The following CRADD variants were observed in gnomAD, a reference collection of about 807,000 sequenced individuals.
CRADD encodes death domain-containing protein CRADD.
CRADD carries 9 observed loss-of-function variants against 15.5 expected under a neutral mutation model. The observed-to-expected ratio is 0.58, with a 90% confidence interval of 0.35 to 1.01. The LOEUF (loss-of-function observed/expected upper bound fraction) is 1.01, where lower values mean the gene tolerates loss of function less well. Among genes scored for constraint, CRADD ranks in the 50% least tolerant of loss-of-function variants. CRADD has a pLI of 0.02. For missense variants in CRADD, 227 were observed against 250.3 expected (o/e 0.91, Z 0.63); for synonymous variants, 118 against 107.6 (o/e 1.10, Z -0.60).
intron 2 of CRADD, among the ~76,000 whole-genome samples, chr12:93,695,457 G>C (rs1408835461): frequency 6.6e-6 from 1 of 152,082 alleles, no homozygotes; most frequent in Non-Finnish European, 1.5e-5. Flanking sequence ...TAGACAAATG[G>C]GATAAACAAA....
intron 2 of CRADD, chr12:93,737,972 A>G (rs146260445): frequency 3.5e-5 from 12 of 340,820 alleles, no homozygotes; most frequent in African/African-American, 2.3e-4. Flanking sequence ...AGCTCATTAT[A>G]TAAATTCACT....
At chr12:93,884,971 A>C (rs1473511081) in intron 2 of CRADD, among the ~76,000 whole-genome samples, 1 of 151,980 alleles carries the variant, frequency 6.6e-6, no homozygotes, top group East Asian at 1.9e-4. Flanking sequence ...CTGGTCCCAC[A>C]CTCTGACCAA....
chr12:93,718,673 T>G (rs964176507), intron 2 of CRADD, among the ~76,000 whole-genome samples: 4 of 152,168 alleles, frequency 2.6e-5, no homozygotes, highest in African/African-American at 9.7e-5. Context: ...TTGCACCAGT[T>G]ATGACTTCCA....
intron 2 of CRADD, among the ~76,000 whole-genome samples, chr12:93,731,009 C>T (rs1956454759): frequency 1.3e-5 from 2 of 152,042 alleles, no homozygotes; most frequent in Admixed American, 1.3e-4. Flanking sequence ...TGAGCCACTG[C>T]ACCCGGCTGA....
chr12:93,746,727 A>G (rs1201230074), intron 2 of CRADD, among the ~76,000 whole-genome samples: 1 of 152,158 alleles, frequency 6.6e-6, no homozygotes, highest in Non-Finnish European at 1.5e-5. Context: ...CTGAATAAAT[A>G]CAGTTCTACA....
intron 2 of CRADD, among the ~76,000 whole-genome samples, chr12:93,812,319 C>T (rs551876435): frequency 6.6e-6 from 1 of 152,198 alleles, no homozygotes; most frequent in South Asian, 2.1e-4. Context: ...CAGCTATGGA[C>T]TTTAGTTAGT....
At chr12:93,738,138 C>T (rs1323387544) in intron 2 of CRADD, 9 of 596,202 alleles carry the variant, frequency 1.5e-5, no homozygotes, top group Admixed American at 3.0e-5. Flanking sequence ...CAGTCATGTT[C>T]TGCTGTTTCT....
intron 2 of CRADD, chr12:93,816,025 T>A (rs891814746): frequency 2.0e-5 from 3 of 152,182 alleles, no homozygotes; most frequent in African/African-American, 7.2e-5. Context: ...AGAAATATCA[T>A]GCAAGCCACC....
At chr12:93,785,298 C>T (rs1957265635) in intron 2 of CRADD, among the ~76,000 whole-genome samples, 1 of 152,112 alleles carries the variant, frequency 6.6e-6, no homozygotes, top group South Asian at 2.1e-4. Flanking sequence ...TTAGTATTTA[C>T]ATAATTGAAA....
intron 2 of CRADD, among the ~76,000 whole-genome samples, chr12:93,685,508 C>T (rs1030381037): frequency 6.6e-6 from 1 of 152,142 alleles, no homozygotes; most frequent in African/African-American, 2.4e-5. Flanking sequence ...GATCATTACA[C>T]ATTGTATGCA....
chr12:93,885,433 C>T (rs1394038456), intron 2 of CRADD, among the ~76,000 whole-genome samples: 12 of 150,896 alleles, frequency 8.0e-5, no homozygotes, highest in East Asian at 7.8e-4. Context: ...CCTAGGTCCT[C>T]GTGCCCCCGC....
chr12:93,713,055 T>C (rs752502476), intron 2 of CRADD, among the ~76,000 whole-genome samples: 2 of 152,172 alleles, frequency 1.3e-5, no homozygotes, highest in African/African-American at 2.4e-5. Context: ...TGTCTTTATT[T>C]TGAAGATCGT....
At chr12:93,785,419 A>T (rs1957267273) in intron 2 of CRADD, among the ~76,000 whole-genome samples, 1 of 152,114 alleles carries the variant, frequency 6.6e-6, no homozygotes, top group Non-Finnish European at 1.5e-5. Context: ...CCTATGAGTC[A>T]CTCACTGGTA....
intron 2 of CRADD, among the ~76,000 whole-genome samples, chr12:93,842,241 A>C (rs1405323990): frequency 6.6e-6 from 1 of 152,172 alleles, no homozygotes. Flanking sequence ...CAGGAGGTTG[A>C]CCAGACAGGA....
At chr12:93,813,110 G>A (rs145969484) in intron 2 of CRADD, among the ~76,000 whole-genome samples, 9 of 152,296 alleles carry the variant, frequency 5.9e-5, no homozygotes, top group Middle Eastern at 3.4e-3. Context: ...AGAAAACTTT[G>A]CCAATAGCTG....
At chr12:93,882,275 G>T (rs1385813067) in intron 2 of CRADD, among the ~76,000 whole-genome samples, 1 of 150,642 alleles carries the variant, frequency 6.6e-6, no homozygotes, top group East Asian at 2.0e-4. Context: ...CAAAAAATTA[G>T]CTGGGCGTGG....
chr12:93,705,596 G>A (rs938887905), intron 2 of CRADD, among the ~76,000 whole-genome samples: 1 of 152,230 alleles, frequency 6.6e-6, no homozygotes, highest in East Asian at 1.9e-4. Flanking sequence ...AAGAAGCTTA[G>A]TATCATGTGG....
At chr12:93,806,482 GA>G (rs1275335348) in intron 2 of CRADD, among the ~76,000 whole-genome samples, 16 of 123,826 alleles carry the variant, frequency 1.3e-4, no homozygotes, top group African/African-American at 4.4e-4. Context: ...ACAAAAAAAA[GA>G]AAAAAAAGGA....
At chr12:93,772,207 G>T (rs1342224589) in intron 2 of CRADD, among the ~76,000 whole-genome samples, 3 of 152,152 alleles carry the variant, frequency 2.0e-5, no homozygotes, top group African/African-American at 7.2e-5. Context: ...GGCTTCTAGG[G>T]CATTAGGTTT....
Sources: gnomAD v4.1 joint callset for allele counts (sites outside exome capture counted in the v4.1 genomes callset) on GRCh38, gnomAD v4.1.1 for gene constraint, MANE v1.5 for transcripts, NCBI Gene and HGNC (gene_info 2026-07-23, HGNC 2026-07-21) for gene names.